Variants in CFAP54 observed in about 807,000 individuals in gnomAD.
CFAP54 encodes cilia- and flagella-associated protein 54.
In CFAP54, 290 loss-of-function variants were observed where a neutral mutation model predicts 370.4. The ratio of observed to expected loss-of-function variants is 0.78; its 90% CI spans 0.71 to 0.86. CFAP54 has a LOEUF of 0.86. Ranked by LOEUF, CFAP54 falls within the 40% of genes least tolerant of loss-of-function variation. CFAP54 has a pLI of 0.00. For synonymous variants in CFAP54, 1,206 were observed against 1,236.5 expected (o/e 0.98, Z 0.52); for missense variants, 3,399 against 3,528.7 (o/e 0.96, Z 0.93).
chr12:96,503,060 C>T (rs990259427), intron 2 of CFAP54, among the ~76,000 whole-genome samples: 1 of 113,118 alleles, frequency 8.8e-6, no homozygotes, highest in Admixed American at 9.0e-5. Flanking sequence ...CCCTTCCTTT[C>T]TCTCTCTCTC....
intron 58 of CFAP54, among the ~76,000 whole-genome samples, chr12:96,762,780 T>TC (rs1325430394): frequency 6.6e-6 from 1 of 152,098 alleles, no homozygotes; most frequent in East Asian, 1.9e-4. Context: ...GGTTTTTTTT[T>TC]TCTTTTTTTT....
At chr12:96,738,696 C>T (rs913246718) in intron 50 of CFAP54, among the ~76,000 whole-genome samples, 19 of 149,976 alleles carry the variant, frequency 1.3e-4, no homozygotes, top group Non-Finnish European at 2.7e-4. Flanking sequence ...CTGCAACCTC[C>T]GCCTCCTGGA....
chr12:96,510,629 T>C (rs1477205802), intron 4 of CFAP54, among the ~76,000 whole-genome samples: 1 of 152,084 alleles, frequency 6.6e-6, no homozygotes, highest in African/African-American at 2.4e-5. Context: ...ACTTGGTGAC[T>C]ATTTTTTTTT....
chr12:96,825,149 T>A (rs1259607547), intron 65 of CFAP54, among the ~76,000 whole-genome samples: 2 of 148,490 alleles, frequency 1.3e-5, no homozygotes, highest in African/African-American at 5.0e-5. Flanking sequence ...GTCTTCCATG[T>A]TTCTACTACT....
chr12:96,501,292 T>C (rs1463447576), intron 2 of CFAP54: 1 of 165,454 alleles, frequency 6.0e-6, no homozygotes, highest in African/African-American at 2.4e-5. Context: ...CTGTTGTTTT[T>C]CATATGGCTG....
At chr12:96,581,731 A>C (rs1262575686) in intron 22 of CFAP54, among the ~76,000 whole-genome samples, 3 of 152,002 alleles carry the variant, frequency 2.0e-5, no homozygotes, top group African/African-American at 7.2e-5. Context: ...TACAATATAT[A>C]ATTTAAATCA....
intron 39 of CFAP54, among the ~76,000 whole-genome samples, chr12:96,671,982 GAAAGAAAGAAAGAA>G (rs1428588046): frequency 6.7e-6 from 1 of 150,114 alleles, no homozygotes; most frequent in African/African-American, 2.5e-5. Flanking sequence ...GAGAGAGAGA[GAAAGAAAGAAAGAA>G]AAAGAAAGAA....
At position 96,765,199 on chromosome 12, in the gene CFAP54, G is replaced by A. The variant is rs368289532; in HGVS notation, c.8262G>A (p.Ser2754=). The A allele has an allele frequency of 3.9e-5, 60 of 1,521,104 alleles. No individual in the cohort carries two copies. In the Middle Eastern group the frequency reaches 5.3e-4, roughly 13 times the overall value. The allele number at this position is 1,521,104 out of a possible 1,614,324, so 94.2% of individuals were successfully genotyped here. A position where few individuals can be genotyped will look rare whatever the true frequency, so the allele number is the denominator to read the frequency against. ...PEFAALDLLS[S]YTDYLLDNYQ... ...TTGCTGCTCTGGATCTTTTGTCTTC[G>A]TATACAGATTATTTGCTTGGTATGT... The change falls in exon 60 of 68, where the codon TCG becomes TCA. Residue 2754 remains serine (S), a synonymous_variant. Transcript: ENST00000524981.
At chr12:96,530,642 G>A (rs970811062) in intron 9 of CFAP54, among the ~76,000 whole-genome samples, 1 of 152,184 alleles carries the variant, frequency 6.6e-6, no homozygotes, top group Non-Finnish European at 1.5e-5. Context: ...GAACAGTTGA[G>A]TACAAGTTTT....
At chr12:96,784,618 C>A in intron 60 of CFAP54, 99 bp from the exon 61 acceptor site, 1 of 880,336 alleles carries the variant, frequency 1.1e-6, no homozygotes, top group Non-Finnish European at 1.6e-6. Context: ...CATGTGTCAG[C>A]ATTTCCTTTA....
At chr12:96,513,766 A>T (rs192526658) in intron 5 of CFAP54, among the ~76,000 whole-genome samples, 9 of 152,102 alleles carry the variant, frequency 5.9e-5, no homozygotes, top group Admixed American at 3.3e-4. Flanking sequence ...ATAGAAAATT[A>T]AAAAAAGGTG....
At chr12:96,818,226 T>C (rs1326519381) in intron 65 of CFAP54, among the ~76,000 whole-genome samples, 1 of 152,240 alleles carries the variant, frequency 6.6e-6, no homozygotes, top group Non-Finnish European at 1.5e-5. Context: ...CTTTTTTCAC[T>C]CTAAATCTAT....
At chr12:96,769,432 A>G (rs1958434684) in intron 60 of CFAP54, among the ~76,000 whole-genome samples, 1 of 152,108 alleles carries the variant, frequency 6.6e-6, no homozygotes, top group Admixed American at 6.5e-5. Context: ...GTGTGGGTGG[A>G]TGGGGAGCAG....
intron 11 of CFAP54, among the ~76,000 whole-genome samples, chr12:96,534,658 T>C (rs956797703): frequency 7.9e-5 from 12 of 152,168 alleles, no homozygotes; most frequent in Admixed American, 1.3e-4. Flanking sequence ...CTAGGACTTT[T>C]CAAATCCTAA....
intron 66 of CFAP54, among the ~76,000 whole-genome samples, chr12:96,846,096 A>G (rs2136450001): frequency 6.6e-6 from 1 of 152,356 alleles, no homozygotes; most frequent in African/African-American, 2.4e-5. Flanking sequence ...CTATTTTCTC[A>G]GAGTATAAAA....
At chr12:96,772,228 C>T (rs1425998447) in intron 60 of CFAP54, among the ~76,000 whole-genome samples, 2 of 152,140 alleles carry the variant, frequency 1.3e-5, no homozygotes, top group African/African-American at 2.4e-5. Context: ...TATTAGTGTC[C>T]TATTCCTGCT....
At chr12:96,551,459 C>T (rs1315052827) in intron 15 of CFAP54, among the ~76,000 whole-genome samples, 1 of 149,208 alleles carries the variant, frequency 6.7e-6, no homozygotes, top group Non-Finnish European at 1.5e-5. Flanking sequence ...TAAGAACCTT[C>T]CTGAGCCTGC....
chr12:96,709,729 T>TTATTATTATTATTATTAC (rs1230739816), intron 48 of CFAP54, among the ~76,000 whole-genome samples: 1 of 150,396 alleles, frequency 6.6e-6, no homozygotes, highest in Non-Finnish European at 1.5e-5. Context: ...ATTATTATTA[T>TTATTATTATTATTATTAC]TATTGTTTTC....
intron 35 of CFAP54, 107 bp downstream of exon 35, chr12:96,650,179 T>A: frequency 9.8e-7 from 1 of 1,023,836 alleles, no homozygotes; most frequent in Non-Finnish European, 1.4e-6. Context: ...ATAATTTTAG[T>A]TGTGACTTTG....
Sources: allele counts gnomAD v4.1 joint callset (sites outside exome capture counted in the v4.1 genomes callset), GRCh38; gene constraint gnomAD v4.1.1; transcripts MANE v1.5; gene names NCBI Gene and HGNC (gene_info 2026-07-23, HGNC 2026-07-21).